ZAN: variants seen among roughly 807,000 people sequenced by gnomAD.
ZAN encodes the protein zonadhesin, also known as zonadhesin (gene/pseudogene).
Under a neutral mutation model 286.2 loss-of-function variants are expected in ZAN, and 260 were observed. The observed-to-expected ratio is 0.91, with a 90% confidence interval of 0.82 to 1.01. The LOEUF is 1.01. Ranked by LOEUF, ZAN falls within the 50% of genes least tolerant of loss-of-function variation. ZAN has a pLI of 0.00. For missense variants in ZAN, 3,410 were observed against 3,639.2 expected, an observed-to-expected ratio of 0.94 and a Z score of 1.62; for synonymous variants, 1,368 against 1,417.5, an observed-to-expected ratio of 0.97 and a Z score of 0.79.
At chr7:100,746,743 G>A (rs760600255) in intron 8 of ZAN, 41 bp downstream of exon 8, 24 of 1,601,850 alleles carry the variant, frequency 1.5e-5, no homozygotes, top group African/African-American at 4.0e-5. Context: ...TGATCTGGGC[G>A]CATCTCCCAG....
In ZAN at chr7:100,739,658, ATTTAT is replaced by A. The variant is rs143769731; in HGVS notation, c.766+1048_766+1052del. On this transcript the variant is annotated intron_variant, in intron 7 of 47. Coordinates refer to ENST00000613979, the MANE Select transcript of ZAN (RefSeq NM_003386.3). The stretch of plus-strand genomic sequence containing the variant: ...TGTGCCCCGCCGTGAGTTATCAATT[ATTTAT>A]TTATTTATTTTGGAGACAGAGTCTC... Among the ~76,000 whole-genome samples the A allele has an allele frequency of 2.5e-3, 332 of 130,706 alleles. 33 individuals are homozygous for A. The highest frequency in any genetic ancestry group is 8.9e-3 in the African/African-American group (317 of 35,812). The allele number at this position is 130,706 out of a possible 152,430, so 85.7% of individuals were successfully genotyped here. A position where few individuals can be genotyped will look rare whatever the true frequency, so the allele number is the denominator to read the frequency against.
chr7:100,774,457 G>C (rs1810612540), intron 31 of ZAN, among the ~76,000 whole-genome samples: 1 of 152,002 alleles, frequency 6.6e-6, no homozygotes, highest in Non-Finnish European at 1.5e-5. Flanking sequence ...AATCACTTGA[G>C]GCTAGTAGTT....
intron 10 of ZAN, 28 bp from the exon 11 acceptor site, chr7:100,748,296 G>A: frequency 6.2e-7 from 1 of 1,613,882 alleles, no homozygotes; most frequent in Non-Finnish European, 8.5e-7. Context: ...CACTCAACTT[G>A]CTCAAATATC....
intron 22 of ZAN, among the ~76,000 whole-genome samples, chr7:100,764,559 G>A (rs532570090): frequency 3.4e-5 from 5 of 148,658 alleles, no homozygotes; most frequent in Admixed American, 2.0e-4. Context: ...GTGTGGCAAC[G>A]GGTACCTGTA....
chr7:100,783,799 TACAC>T lies in ZAN; in HGVS notation c.6623-820_6623-817del, dbSNP rs753582447. Among the ~76,000 whole-genome samples, 3 of 33,604 alleles carry T rather than the reference TACAC, an allele frequency of 8.9e-5. 1 individual carries two copies. Among genetic ancestry groups the T allele is most frequent in the South Asian group, 1.1e-3 (1 of 918 alleles). The allele number at this position is 33,604 out of a possible 152,430, so 22.0% of individuals were successfully genotyped here. ...ATATATATATACACATATATATATA[TACAC>T]ACATATATATATACATATATATATA... is the stretch of plus-strand genomic sequence containing the variant. On this transcript the variant is annotated intron_variant, in intron 35 of 47. Coordinates refer to ENST00000613979, the MANE Select transcript of ZAN (RefSeq NM_003386.3).
rs541275 is a variant in ZAN, at chr7:100,775,533, C to G, written c.5985C>G (p.Ile1995Met). Residue 1995 changes from isoleucine to methionine, a missense_variant, in exon 32 of 48, where the codon ATC becomes ATG. Around this residue, in one of 7 missense-constraint regions of ZAN, gnomAD observed 1,289 missense variants for 1,314.3 expected, o/e 0.98. Coordinates refer to ENST00000613979, the MANE Select transcript of ZAN (RefSeq NM_003386.3). ...AFRLHEVYID[I>M]YDAQVTLQKG... Reference sequence around the variant, plus strand: ...GCCTTCATGAGGTCTACATTGACATCTACGATGCCCAGGTCACCCTGCAGA... The same window carrying G: ...GCCTTCATGAGGTCTACATTGACATGTACGATGCCCAGGTCACCCTGCAGA... The G allele has an allele frequency of 6.2e-7, 1 of 1,613,804 alleles. No homozygotes were observed. The highest frequency in any genetic ancestry group is 1.3e-5 in the African/African-American group (1 of 74,938).
At chr7:100,778,959 A>G (rs1811004848) in intron 34 of ZAN, among the ~76,000 whole-genome samples, 1 of 150,298 alleles carries the variant, frequency 6.7e-6, no homozygotes, top group Non-Finnish European at 1.5e-5. Context: ...CTTTAACCTG[A>G]GACGTAGAGG....
intron 42 of ZAN, among the ~76,000 whole-genome samples, chr7:100,793,590 A>G (rs1812140941): frequency 6.6e-6 from 1 of 151,952 alleles, no homozygotes; most frequent in Non-Finnish European, 1.5e-5. Context: ...GGTGCCCGCC[A>G]CCACGCCCGG....
chr7:100,795,122 C>A (rs538345388), intron 44 of ZAN, 74 bp from the exon 45 acceptor site: 20 of 1,516,982 alleles, frequency 1.3e-5, no homozygotes, highest in African/African-American at 9.9e-5. Flanking sequence ...GCGTCCCAGC[C>A]CCCAGCCAGG....
intron 6 of ZAN, among the ~76,000 whole-genome samples, chr7:100,737,785 G>A (rs896974657): frequency 3.6e-5 from 5 of 137,614 alleles, no homozygotes; most frequent in African/African-American, 1.3e-4. Context: ...TTAGGGCTTT[G>A]ACTCTGGAAG....
chr7:100,735,343 T>C (rs575109858), intron 2 of ZAN, among the ~76,000 whole-genome samples: 4 of 135,894 alleles, frequency 2.9e-5, no homozygotes, highest in East Asian at 2.1e-4. Flanking sequence ...AGTGGGAGGA[T>C]TGCATAAGGC....
intron 34 of ZAN, among the ~76,000 whole-genome samples, chr7:100,778,974 A>G (rs1811005949): frequency 6.6e-6 from 1 of 152,220 alleles, no homozygotes; most frequent in Middle Eastern, 3.4e-3. Flanking sequence ...TAGAGGTTGC[A>G]GTGAGCCAAG....
At position 100,764,124 on chromosome 7, in the gene ZAN, ATGTCCACCATGACCACCACC is replaced by A; in HGVS notation, c.4198_4217del (p.Ser1400ProfsTer35). 1 of 1,611,966 alleles carries A rather than the reference ATGTCCACCATGACCACCACC, an allele frequency of 6.2e-7. No homozygotes were observed. Among genetic ancestry groups the A allele is most frequent in the Non-Finnish European group, 8.5e-7 (1 of 1,178,970 alleles). ...GCTGCAGCACCTGCTGTGCACACAC[ATGTCCACCATGACCACCACC>A]TGCCAGGACGCAGGCCACGCTGTGA... is the stretch of plus-strand genomic sequence containing the variant. On this transcript the variant is annotated frameshift_variant, in exon 22 of 48. Transcript: ENST00000613979. LOFTEE classifies it high-confidence loss of function.
In ZAN at chr7:100,773,397, G is replaced by C; in HGVS notation, c.5538G>C (p.Glu1846Asp). 6.2e-7 allele frequency: 1 copy of C among 1,614,020 alleles called. No homozygotes were observed. The highest frequency in any genetic ancestry group is 8.5e-7 in the Non-Finnish European group (1 of 1,179,906). ...GCCCCAAAGCACTGCCCTGTGCTGA[G>C]AGCTGTGAATGTCAGAAAGGCCACA... ...RDCPKALPCA[E>D]SCECQKGHIL... Residue 1846 changes from glutamate to aspartate, a missense_variant, in exon 30 of 48, where the codon GAG becomes GAC. Coordinates refer to ENST00000613979, the MANE Select transcript of ZAN (RefSeq NM_003386.3).
intron 35 of ZAN, among the ~76,000 whole-genome samples, chr7:100,782,993 C>T (rs956159008): frequency 3.3e-5 from 5 of 152,140 alleles, no homozygotes; most frequent in African/African-American, 1.2e-4. Flanking sequence ...TTGGGCTGGG[C>T]GCTGTGGCTT....
chr7:100,794,336 G>C, intron 44 of ZAN, 78 bp downstream of exon 44: 1 of 1,518,464 alleles, frequency 6.6e-7, no homozygotes, highest in Non-Finnish European at 8.8e-7. Context: ...TCCCCTCCTT[G>C]TCCTCAGGAC....
rs1405299987 is a variant in ZAN at position 100,734,237 on chromosome 7, G to T, written c.53+16G>T. ...CCCTTTTCAGGTAAGCTGGGCCCAG[G>T]GGGTAATGATAAACCAGGGTCAGCT... On this transcript the variant is annotated intron_variant, in intron 2 of 47. Coordinates refer to ENST00000613979, the MANE Select transcript of ZAN (RefSeq NM_003386.3). 1.4e-6 allele frequency: 2 copies of T among 1,424,464 alleles called. No individual in the cohort carries two copies. The highest frequency in any genetic ancestry group is 2.2e-5 in the Admixed American group (1 of 45,618). 88.2% of individuals were successfully genotyped at this position (1,424,464 alleles called of 1,614,324 possible). A position where few individuals can be genotyped will look rare whatever the true frequency, so the allele number is the denominator to read the frequency against.
At chr7:100,783,763 A>AATATATAT (rs1554409733) in intron 35 of ZAN, among the ~76,000 whole-genome samples, 175 of 7,470 alleles carry the variant, frequency 0.023, 11 homozygotes, top group South Asian at 0.045. Flanking sequence ...AAAAAAAAAA[A>AATATATAT]ATATATATAT....
At position 100,752,049 on chromosome 7, in the gene ZAN, C is replaced by T. The variant is rs1167805560; in HGVS notation, c.1944C>T (p.Thr648=). ...CCACCATTCCCTCAGAAAAACCCAC[C>T]ATTTCCACAGAAAAACCCACCGTCC... ...EKPTIPSEKP[T]ISTEKPTVPT... is the part of the protein sequence containing the mutation. Residue 648 remains threonine (T), a synonymous_variant, in exon 14 of 48, where the codon ACC becomes ACT. Coordinates refer to ENST00000613979, the MANE Select transcript of ZAN (RefSeq NM_003386.3). 6.2e-7 allele frequency: 1 copy of T among 1,612,974 alleles called. No individual in the cohort carries two copies. The highest frequency in any genetic ancestry group is 1.3e-5 in the African/African-American group (1 of 74,698).
Sources: allele counts gnomAD v4.1 joint callset (sites outside exome capture counted in the v4.1 genomes callset), GRCh38; gene constraint gnomAD v4.1.1; regional missense constraint gnomAD v4.1.1; transcripts MANE v1.5; gene names NCBI Gene and HGNC (gene_info 2026-07-23, HGNC 2026-07-21).